KALRN: variants seen among roughly 807,000 people sequenced by gnomAD.
KALRN encodes kalirin RhoGEF kinase.
In KALRN, 70 loss-of-function variants were observed where a neutral mutation model predicts 353.7. That is an observed-to-expected ratio of 0.20 (90% CI 0.16 to 0.24). KALRN has a LOEUF of 0.24. Ranked by LOEUF, KALRN falls within the 10% of genes least tolerant of loss-of-function variation. The pLI, the probability that KALRN is intolerant of heterozygous loss-of-function variation, is 1.00. For synonymous variants in KALRN, 1,391 were observed against 1,434.8 expected, an observed-to-expected ratio of 0.97 and a Z score of 0.69; for missense variants, 2,791 against 3,756.7, an observed-to-expected ratio of 0.74 and a Z score of 6.72.
intron 1 of KALRN, among the ~76,000 whole-genome samples, chr3:124,052,206 G>A (rs923802824): frequency 1.3e-5 from 2 of 152,194 alleles, no homozygotes; most frequent in African/African-American, 4.8e-5. Flanking sequence ...CTTATATGGT[G>A]AACAGGGGCA....
chr3:124,667,298 C>T (rs2150320178), intron 47 of KALRN, 115 bp downstream of exon 47: 1 of 888,816 alleles, frequency 1.1e-6, no homozygotes, highest in Non-Finnish European at 1.7e-6. Flanking sequence ...TTTATAGGTA[C>T]TCCAACTTTG....
At chr3:124,341,176 A>G (rs764193707) in intron 9 of KALRN, among the ~76,000 whole-genome samples, 4 of 152,204 alleles carry the variant, frequency 2.6e-5, no homozygotes, top group African/African-American at 9.6e-5. Context: ...TTTGGAAAAG[A>G]CTGTTCTTGG....
At chr3:124,378,608 T>C (rs909375657) in intron 10 of KALRN, among the ~76,000 whole-genome samples, 1 of 152,158 alleles carries the variant, frequency 6.6e-6, no homozygotes, top group Non-Finnish European at 1.5e-5. Context: ...TCTTTCATCT[T>C]TGTATATCTG....
chr3:124,557,273 G>A (rs1331057586), intron 33 of KALRN, among the ~76,000 whole-genome samples: 1 of 152,030 alleles, frequency 6.6e-6, no homozygotes, highest in Admixed American at 6.5e-5. Flanking sequence ...GCAGGGGGGC[G>A]GTGATGTTAT....
At chr3:124,346,355 C>T (rs1028878969) in intron 9 of KALRN, among the ~76,000 whole-genome samples, 1 of 152,146 alleles carries the variant, frequency 6.6e-6, no homozygotes, top group African/African-American at 2.4e-5. Flanking sequence ...CCCTCTCTCT[C>T]ACCCCTCTAT....
At chr3:124,429,604 T>G (rs957476438) in intron 15 of KALRN, among the ~76,000 whole-genome samples, 1 of 152,230 alleles carries the variant, frequency 6.6e-6, no homozygotes, top group African/African-American at 2.4e-5. Context: ...GCCTAACTCT[T>G]CCAGTTGCAT....
intron 3 of KALRN, among the ~76,000 whole-genome samples, chr3:124,246,795 A>C (rs752501129): frequency 6.6e-6 from 1 of 152,190 alleles, no homozygotes; most frequent in African/African-American, 2.4e-5. Context: ...CAATGCATTC[A>C]GGTGTTTCTG....
rs2063305140 is a variant in KALRN, at chr3:124,719,421, T to C, written c.8912T>C (p.Ile2971Thr). 6.8e-6 allele frequency: 11 copies of C among 1,614,148 alleles called. No homozygotes were observed. The East Asian group carries it at 2.5e-4, about 36-fold the overall frequency. ...AAGCACCAGAATGATGTGCGGCCTATTCCCAATGTCAAGAGCTACATTGTC... is the reference window on the plus strand; with the variant it reads ...AAGCACCAGAATGATGTGCGGCCTACTCCCAATGTCAAGAGCTACATTGTC... Reference protein sequence around the residue: ...RRKHQNDVRPIPNVKSYIVNR... With the variant: ...RRKHQNDVRPTPNVKSYIVNR... Residue 2971 changes from isoleucine (I) to threonine (T), a missense_variant, in exon 60 of 60, where the codon ATT (isoleucine) becomes ACT (threonine). This residue lies in a region of KALRN where 32 missense variants were observed against 27.4 expected (regional missense o/e 1.17). Coordinates refer to ENST00000682506, the MANE Select transcript of KALRN (RefSeq NM_001388419.1). This position sits in a 1 kb window ranked among gnomAD's most constrained non-coding sequence, Gnocchi z 5.3.
rs1305806017 is a variant in KALRN at position 124,033,661 on chromosome 3, C to G, written c.-80C>G. On this transcript the variant is annotated 5_prime_UTR_variant, in exon 1 of 60. Coordinates refer to ENST00000682506, the MANE Select transcript of KALRN (RefSeq NM_001388419.1). This position sits in a 1 kb window ranked among gnomAD's most constrained non-coding sequence, Gnocchi z 6.2. ...GGCCGCAGCAGCTGCGCCCCGCGCCCTCCGCCCACCGGGCGCCGAGCAGCC... is the reference window on the plus strand; with the variant it reads ...GGCCGCAGCAGCTGCGCCCCGCGCCGTCCGCCCACCGGGCGCCGAGCAGCC... Among the ~76,000 whole-genome samples, 1 of 151,738 alleles carries G rather than the reference C, an allele frequency of 6.6e-6. No individual in the cohort carries two copies. Among genetic ancestry groups the G allele is most frequent in the Non-Finnish European group, 1.5e-5 (1 of 67,902 alleles).
chr3:124,216,918 G>A (rs1481708269), intron 1 of KALRN, among the ~76,000 whole-genome samples: 1 of 152,096 alleles, frequency 6.6e-6, no homozygotes, highest in East Asian at 1.9e-4. Flanking sequence ...GTCTTAGTTA[G>A]TCTCCTCTCT....
At chr3:124,652,397 C>G (rs1174553100) in intron 38 of KALRN, among the ~76,000 whole-genome samples, 2 of 152,220 alleles carry the variant, frequency 1.3e-5, no homozygotes, top group South Asian at 2.1e-4. Flanking sequence ...TTGATAAATG[C>G]CATACCCAAA....
intron 10 of KALRN, among the ~76,000 whole-genome samples, chr3:124,347,960 A>G (rs1386452156): frequency 6.6e-6 from 1 of 152,220 alleles, no homozygotes; most frequent in African/African-American, 2.4e-5. Flanking sequence ...CCATTTGTCT[A>G]ATAGTATAAT....
chr3:124,581,391 CAA>C (rs5852421), intron 34 of KALRN, among the ~76,000 whole-genome samples: 2 of 137,458 alleles, frequency 1.5e-5, no homozygotes. Context: ...AGACTCTGCT[CAA>C]AAAAAAAAAA....
intron 4 of KALRN, 46 bp from the exon 5 acceptor site, chr3:124,268,697 T>TC: frequency 6.3e-7 from 1 of 1,594,446 alleles, no homozygotes; most frequent in Non-Finnish European, 8.6e-7. Context: ...GCCCTGTTCT[T>TC]CCCCTGACAT....
intron 28 of KALRN, among the ~76,000 whole-genome samples, chr3:124,483,186 C>G (rs1170354063): frequency 6.6e-6 from 1 of 152,246 alleles, no homozygotes; most frequent in Non-Finnish European, 1.5e-5. Context: ...CTGACTGGCT[C>G]CTAGAGGCTT....
At chr3:124,314,354 G>T (rs1580843778) in intron 6 of KALRN, among the ~76,000 whole-genome samples, 1 of 112,804 alleles carries the variant, frequency 8.9e-6, no homozygotes, top group East Asian at 3.2e-4. Context: ...CTGTTGTGGG[G>T]TGGGGGGAGG....
chr3:124,138,230 C>A (rs1035790818), intron 1 of KALRN, among the ~76,000 whole-genome samples: 34 of 152,184 alleles, frequency 2.2e-4, no homozygotes, highest in African/African-American at 8.0e-4. Flanking sequence ...CTGCAAAATC[C>A]TCTCTCCCTG....
chr3:124,548,875 T>A (rs2109491894), intron 33 of KALRN, among the ~76,000 whole-genome samples: 1 of 152,306 alleles, frequency 6.6e-6, no homozygotes, highest in Middle Eastern at 3.4e-3. Flanking sequence ...GCTGGTCTCA[T>A]ACTCCTCACC....
At chr3:124,443,255 A>G (rs2093724865) in intron 19 of KALRN, among the ~76,000 whole-genome samples, 1 of 152,234 alleles carries the variant, frequency 6.6e-6, no homozygotes, top group Non-Finnish European at 1.5e-5. Context: ...TGAGTGAGTG[A>G]AGAGTTTAAC....
Sources: allele counts gnomAD v4.1 joint callset (sites outside exome capture counted in the v4.1 genomes callset), GRCh38; gene constraint gnomAD v4.1.1; regional missense constraint gnomAD v4.1.1; non-coding constraint Gnocchi (gnomAD v3.1); transcripts MANE v1.5; gene names NCBI Gene and HGNC (gene_info 2026-07-23, HGNC 2026-07-21).